The following LUZP2 variants were observed in gnomAD, a reference collection of about 807,000 sequenced individuals.
LUZP2 encodes the protein leucine zipper protein 2.
A neutral mutation model predicts 51.6 loss-of-function variants in LUZP2; 52 were observed. The observed-to-expected ratio is 1.01, with a 90% CI of 0.81 to 1.27. The LOEUF (loss-of-function observed/expected upper bound fraction) is 1.27, where lower values mean the gene tolerates loss of function less well. Ranked by LOEUF, LUZP2 falls within the 50% of genes most tolerant of loss-of-function variation. LUZP2 has a pLI of 0.00. For missense variants in LUZP2, 436 were observed against 395.4 expected (o/e 1.10, Z -0.87); for synonymous variants, 154 against 137.3 (o/e 1.12, Z -0.85).
At chr11:24,784,916 A>G (rs774586921) in intron 5 of LUZP2, among the ~76,000 whole-genome samples, 15 of 152,100 alleles carry the variant, frequency 9.9e-5, no homozygotes, top group Admixed American at 5.9e-4. Context: ...GTAAATACAT[A>G]CATTTGCATA....
At chr11:24,920,506 T>C (rs1197394215) in intron 7 of LUZP2, among the ~76,000 whole-genome samples, 1 of 152,062 alleles carries the variant, frequency 6.6e-6, no homozygotes, top group Non-Finnish European at 1.5e-5. Flanking sequence ...TTTATCACAG[T>C]ACTATTCACA....
At chr11:24,740,929 A>G (rs1021505538) in intron 4 of LUZP2, among the ~76,000 whole-genome samples, 4 of 152,100 alleles carry the variant, frequency 2.6e-5, no homozygotes, top group African/African-American at 9.7e-5. Flanking sequence ...ATTATAAGCA[A>G]CTTCTAAGTT....
intron 6 of LUZP2, among the ~76,000 whole-genome samples, chr11:24,913,669 TTGTGTGTG>T (rs35901522): frequency 6.7e-6 from 1 of 148,462 alleles, no homozygotes; most frequent in Admixed American, 6.8e-5. Context: ...ATCTATTTAT[TTGTGTGTG>T]TGTGTGTGTG....
At chr11:24,590,339 G>A (rs1853216523) in intron 1 of LUZP2, among the ~76,000 whole-genome samples, 1 of 152,026 alleles carries the variant, frequency 6.6e-6, no homozygotes, top group Non-Finnish European at 1.5e-5. Context: ...ATGTCTTTGT[G>A]CATATCTGTG....
At chr11:24,862,899 G>A (rs1270779671) in intron 5 of LUZP2, among the ~76,000 whole-genome samples, 1 of 152,106 alleles carries the variant, frequency 6.6e-6, no homozygotes, top group Non-Finnish European at 1.5e-5. Context: ...AATAAATAAA[G>A]ATTTCTTCAA....
intron 4 of LUZP2, among the ~76,000 whole-genome samples, chr11:24,759,502 A>G (rs1056652050): frequency 1.3e-5 from 2 of 152,128 alleles, no homozygotes; most frequent in Non-Finnish European, 2.9e-5. Context: ...ACATTTAATA[A>G]TTATAGTCTT....
At chr11:25,048,979 A>AT (rs1173333639) in intron 9 of LUZP2, among the ~76,000 whole-genome samples, 1 of 152,086 alleles carries the variant, frequency 6.6e-6, no homozygotes, top group Non-Finnish European at 1.5e-5. Context: ...TACATTTAAT[A>AT]TTCTATCAGC....
chr11:24,922,043 G>A (rs1422331362), intron 7 of LUZP2, among the ~76,000 whole-genome samples: 1 of 151,218 alleles, frequency 6.6e-6, no homozygotes, highest in Non-Finnish European at 1.5e-5. Context: ...CTATCGCCAT[G>A]GATATTAATT....
At position 24,611,600 on chromosome 11, in the gene LUZP2, T is replaced by G. The variant is rs1854125739; in HGVS notation, c.62+114295T>G. The stretch of plus-strand genomic sequence containing the variant: ...GTTACTGGAAAGTAAAAATGGAACT[T>G]ACGAGACTATGGAGATGGTTTTCTT... On this transcript the variant is annotated intron_variant, in intron 1 of 11. Coordinates refer to ENST00000336930, the MANE Select transcript of LUZP2 (RefSeq NM_001009909.4). The surrounding 1 kb of genome is among the most constrained non-coding windows in gnomAD (Gnocchi z 4.6). 6.6e-6 allele frequency among the ~76,000 whole-genome samples: 1 copy of G among 152,110 alleles called. No individual in the cohort carries two copies.
At chr11:24,630,812 G>T (rs145692743) in intron 1 of LUZP2, among the ~76,000 whole-genome samples, 4 of 150,968 alleles carry the variant, frequency 2.6e-5, no homozygotes, top group African/African-American at 9.7e-5. Flanking sequence ...TAATAAGATT[G>T]TTTCTTCTGA....
At chr11:25,024,622 A>C (rs1405095689) in intron 9 of LUZP2, among the ~76,000 whole-genome samples, 1 of 152,130 alleles carries the variant, frequency 6.6e-6, no homozygotes, top group South Asian at 2.1e-4. Flanking sequence ...GGAGAACTAC[A>C]AACCACTGCT....
chr11:24,910,294 A>T (rs1853585003), intron 6 of LUZP2, among the ~76,000 whole-genome samples: 1 of 152,232 alleles, frequency 6.6e-6, no homozygotes. Flanking sequence ...TTCAAGCCAA[A>T]GGCAGAAATT....
At chr11:24,855,667 C>A (rs2200530) in intron 5 of LUZP2, among the ~76,000 whole-genome samples, 1 of 152,086 alleles carries the variant, frequency 6.6e-6, no homozygotes, top group Non-Finnish European at 1.5e-5. Flanking sequence ...CAAAGCAATC[C>A]TAAACAAGAA....
Position 24,633,206 on chromosome 11 carries a change from A to T in LUZP2, c.63-95963A>T, listed in dbSNP as rs541138954. Among the ~76,000 whole-genome samples, 15 of 152,158 alleles carry T rather than the reference A, an allele frequency of 9.9e-5. 1 individual carries two copies. The East Asian group carries it at 2.9e-3, about 29-fold the overall frequency. On this transcript the variant is annotated intron_variant, in intron 1 of 11. Transcript: ENST00000336930. ...CTTGCACTCACATTCAAAGGCACTC[A>T]GGAGTAGAGGACACATAAAAATATT...
intron 1 of LUZP2, among the ~76,000 whole-genome samples, chr11:24,542,736 C>CA (rs57055137): frequency 0.43 from 64,621 of 151,072 alleles, 14,400 homozygotes; most frequent in African/African-American, 0.54. Context: ...CACTTTTATT[C>CA]AAAAAAAATA....
intron 10 of LUZP2, among the ~76,000 whole-genome samples, chr11:25,061,225 A>G (rs1858826841): frequency 6.6e-6 from 1 of 152,164 alleles, no homozygotes; most frequent in African/African-American, 2.4e-5. Context: ...CTACGCTGTG[A>G]TTGTGTGTTC....
In LUZP2 at chr11:24,764,718, G is replaced by A. The variant is rs115139038; in HGVS notation, c.396+1410G>A. On this transcript the variant is annotated intron_variant, in intron 5 of 11. Transcript: ENST00000336930. ...TAGAACAACAACAAAAACCTACCAGGCTGGCTCATGCCTGTAATCCCAGTG... is the reference window on the plus strand; with the variant it reads ...TAGAACAACAACAAAAACCTACCAGACTGGCTCATGCCTGTAATCCCAGTG... 4.1e-3 allele frequency among the ~76,000 whole-genome samples: 629 copies of A among 152,002 alleles called. 5 individuals carry two copies. The highest frequency in any genetic ancestry group is 0.015 in the African/African-American group (603 of 41,468).
At chr11:24,526,265 CAAAAA>C (rs71041769) in intron 1 of LUZP2, among the ~76,000 whole-genome samples, 1 of 141,240 alleles carries the variant, frequency 7.1e-6, no homozygotes. Context: ...CACTAGGGGG[CAAAAA>C]AAAAAAAAGC....
At chr11:24,826,283 A>T (rs1029460219) in intron 5 of LUZP2, among the ~76,000 whole-genome samples, 1 of 149,054 alleles carries the variant, frequency 6.7e-6, no homozygotes, top group Admixed American at 6.7e-5. Context: ...TACTAAACTG[A>T]TGCTCTGTAA....
Sources: gnomAD v4.1 joint callset for allele counts (sites outside exome capture counted in the v4.1 genomes callset) on GRCh38, gnomAD v4.1.1 for gene constraint, Gnocchi (gnomAD v3.1) non-coding constraint, MANE v1.5 for transcripts, NCBI Gene and HGNC (gene_info 2026-07-23, HGNC 2026-07-21) for gene names.